Variants in GPHN observed in about 807,000 individuals in gnomAD.
GPHN encodes the protein gephyrin.
A neutral mutation model predicts 95.5 loss-of-function variants in GPHN; 17 were observed. The ratio of observed to expected loss-of-function variants is 0.18; its 90% CI spans 0.12 to 0.27. GPHN has a LOEUF of 0.27. GPHN is among the 10% of genes least tolerant of loss of function. The probability of loss-of-function intolerance (pLI) is 1.00; values close to 1 mark genes in which losing one functional copy is unlikely to be tolerated. For missense variants in GPHN, 660 were observed against 978.1 expected (o/e 0.67, Z 4.34); for synonymous variants, 320 against 322.5 (o/e 0.99, Z 0.08).
chr14:67,585,716 C>A, the GPHN span: 3 of 1,265,880 alleles, frequency 2.4e-6, no homozygotes, highest in South Asian at 1.3e-5. Flanking sequence ...CTTTTCTTCT[C>A]CTCTGTGGAC....
At chr14:66,749,120 C>A (rs568488670) in intron 2 of GPHN, among the ~76,000 whole-genome samples, 3 of 152,060 alleles carry the variant, frequency 2.0e-5, no homozygotes, top group Non-Finnish European at 4.4e-5. Flanking sequence ...GTGTCCTTTT[C>A]AGATAGGCTT....
At chr14:67,457,955 G>A in the GPHN span, among the ~76,000 whole-genome samples, 1 of 152,230 alleles carries the variant, frequency 6.6e-6, no homozygotes, top group South Asian at 2.1e-4. Context: ...GCTCTCTGGT[G>A]CCAAGTGTCC....
chr14:67,109,743 T>A (rs1304942388), intron 13 of GPHN, among the ~76,000 whole-genome samples: 1 of 151,606 alleles, frequency 6.6e-6, no homozygotes, highest in African/African-American at 2.4e-5. Context: ...GTTATGAAGA[T>A]TTTTTTTTGT....
chr14:67,268,343 G>T, the GPHN span, among the ~76,000 whole-genome samples: 1 of 152,192 alleles, frequency 6.6e-6, no homozygotes, highest in South Asian at 2.1e-4. Context: ...TTACCCGAAG[G>T]GGGTCCCGAT....
chr14:67,047,083 T>C (rs2075055392), intron 10 of GPHN, among the ~76,000 whole-genome samples: 1 of 152,138 alleles, frequency 6.6e-6, no homozygotes, highest in African/African-American at 2.4e-5. Flanking sequence ...CCATGTGGAA[T>C]AGAGGCAGTA....
chr14:67,468,064 C>G, the GPHN span, among the ~76,000 whole-genome samples: 1 of 152,004 alleles, frequency 6.6e-6, no homozygotes, highest in South Asian at 2.1e-4. Context: ...ACCTCTGCCT[C>G]CTGGGTTCAA....
the GPHN span, among the ~76,000 whole-genome samples, chr14:67,261,791 A>G: frequency 6.6e-6 from 1 of 152,198 alleles, no homozygotes; most frequent in South Asian, 2.1e-4. Context: ...ACTTTGAGCA[A>G]TAGATATCTT....
the GPHN span, among the ~76,000 whole-genome samples, chr14:67,212,129 T>A: frequency 6.6e-6 from 1 of 152,028 alleles, no homozygotes; most frequent in South Asian, 2.1e-4. Flanking sequence ...TATAATGAAA[T>A]GAAAACAGTA....
At chr14:67,629,163 A>G in the GPHN span, among the ~76,000 whole-genome samples, 5 of 152,090 alleles carry the variant, frequency 3.3e-5, no homozygotes, top group East Asian at 3.9e-4. Context: ...GCGAGTCCCA[A>G]TCTCCACAGT....
chr14:66,935,462 T>A (rs762466635), intron 8 of GPHN, among the ~76,000 whole-genome samples: 2 of 149,140 alleles, frequency 1.3e-5, no homozygotes, highest in Non-Finnish European at 3.0e-5. Flanking sequence ...TGTGTGTGAA[T>A]ATATATATGT....
chr14:66,552,600 T>C (rs1045123856), intron 1 of GPHN, among the ~76,000 whole-genome samples: 2 of 152,254 alleles, frequency 1.3e-5, no homozygotes, highest in Non-Finnish European at 2.9e-5. Flanking sequence ...TTTCTTACAA[T>C]GTAGATTGAC....
At chr14:67,236,328 C>G in the GPHN span, among the ~76,000 whole-genome samples, 6 of 152,140 alleles carry the variant, frequency 3.9e-5, no homozygotes, top group Non-Finnish European at 8.8e-5. Context: ...ATTCACTGTT[C>G]CCACCCGCAC....
intron 1 of GPHN, among the ~76,000 whole-genome samples, chr14:66,597,240 A>AG (rs775483737): frequency 1.4e-4 from 21 of 152,188 alleles, no homozygotes; most frequent in Non-Finnish European, 1.3e-4. Flanking sequence ...CAAAGGGGTA[A>AG]GGACAGCTCA....
the GPHN span, among the ~76,000 whole-genome samples, chr14:67,211,926 T>C: frequency 6.6e-6 from 1 of 152,236 alleles, no homozygotes. Flanking sequence ...TTGTGAAGTC[T>C]GTCCCTGCAA....
At chr14:66,592,083 G>T (rs1234960267) in intron 1 of GPHN, among the ~76,000 whole-genome samples, 2 of 152,166 alleles carry the variant, frequency 1.3e-5, no homozygotes, top group East Asian at 3.8e-4. Context: ...ATGGTGTTGG[G>T]AAAACTGGCT....
chr14:67,185,011 CA>C, downstream of GPHN, among the ~76,000 whole-genome samples: 1 of 152,160 alleles, frequency 6.6e-6, no homozygotes, highest in South Asian at 2.1e-4. Context: ...GATGAAGGCT[CA>C]AAAAGCCTTA....
chr14:67,324,479 G>T, the GPHN span, among the ~76,000 whole-genome samples: 1 of 152,218 alleles, frequency 6.6e-6, no homozygotes, highest in Middle Eastern at 3.4e-3. Context: ...GGCTCACTCA[G>T]ATTGCCTCAT....
chr14:67,583,913 T>A, the GPHN span: 1 of 1,612,048 alleles, frequency 6.2e-7, no homozygotes, highest in East Asian at 2.2e-5. Context: ...TTGCAGCAAG[T>A]CACTGTGGGG....
the GPHN span, chr14:67,575,556 C>A: frequency 1.1e-6 from 1 of 876,528 alleles, no homozygotes; most frequent in Non-Finnish European, 1.9e-6. Context: ...ATGAAAGTCC[C>A]TACCCCACGT....
Sources: allele counts gnomAD v4.1 joint callset (sites outside exome capture counted in the v4.1 genomes callset), GRCh38; gene constraint gnomAD v4.1.1; transcripts MANE v1.5; gene names NCBI Gene and HGNC (gene_info 2026-07-23, HGNC 2026-07-21).